Variants in ADGRL2 observed in about 807,000 individuals in gnomAD.
ADGRL2 encodes the protein adhesion G protein-coupled receptor L2, also known as calcium-independent alpha-latrotoxin receptor 2.
In ADGRL2, 44 loss-of-function variants were observed where a neutral mutation model predicts 157.4. That is an observed-to-expected ratio of 0.28 (90% CI 0.22 to 0.36). The LOEUF is 0.36. Ranked by LOEUF, ADGRL2 falls within the 10% of genes least tolerant of loss-of-function variation. The probability of loss-of-function intolerance (pLI) is 1.00; values close to 1 mark genes in which losing one functional copy is unlikely to be tolerated. For missense variants in ADGRL2, 1,510 were observed against 1,768.9 expected, an observed-to-expected ratio of 0.85 and a Z score of 2.63; for synonymous variants, 585 against 624.7, an observed-to-expected ratio of 0.94 and a Z score of 0.95.
intron 2 of ADGRL2, among the ~76,000 whole-genome samples, chr1:81,787,761 G>A (rs1389471817): frequency 1.3e-5 from 2 of 151,928 alleles, no homozygotes; most frequent in African/African-American, 2.4e-5. Context: ...ATAGAGAATA[G>A]ACTAAGTCAA....
At chr1:81,330,363 G>C (rs373292322) in intron 1 of ADGRL2, among the ~76,000 whole-genome samples, 1 of 152,122 alleles carries the variant, frequency 6.6e-6, no homozygotes, top group Non-Finnish European at 1.5e-5. Flanking sequence ...GGTCATATCT[G>C]ATTAAAGAAA....
chr1:81,390,372 A>G (rs1171744759), intron 1 of ADGRL2, among the ~76,000 whole-genome samples: 1 of 152,304 alleles, frequency 6.6e-6, no homozygotes, highest in Non-Finnish European at 1.5e-5. Flanking sequence ...AATAACTGCA[A>G]ATGGTCTGCA....
chr1:81,591,664 C>T (rs141079251), intron 3 of ADGRL2, among the ~76,000 whole-genome samples: 11 of 152,214 alleles, frequency 7.2e-5, no homozygotes, highest in Admixed American at 2.0e-4. Context: ...ACAAAAGTGA[C>T]GGTACATCAC....
At chr1:81,944,876 T>C (rs1649285221) in intron 6 of ADGRL2, among the ~76,000 whole-genome samples, 1 of 152,036 alleles carries the variant, frequency 6.6e-6, no homozygotes, top group Non-Finnish European at 1.5e-5. Flanking sequence ...TTAAATATTG[T>C]CATACGGTCA....
At chr1:81,629,461 C>CAA in intron 3 of ADGRL2, among the ~76,000 whole-genome samples, 1 of 146,656 alleles carries the variant, frequency 6.8e-6, no homozygotes, top group African/African-American at 2.5e-5. Context: ...GCATTTTTTA[C>CAA]AAAAAAAAAT....
chr1:81,924,108 C>A (rs1465251725), intron 3 of ADGRL2, among the ~76,000 whole-genome samples: 3 of 152,274 alleles, frequency 2.0e-5, no homozygotes, highest in Admixed American at 2.0e-4. Context: ...TTTGTATTGG[C>A]TTTCTGTATA....
chr1:81,929,092 C>CATG (rs1296225431), intron 3 of ADGRL2, among the ~76,000 whole-genome samples: 1 of 152,102 alleles, frequency 6.6e-6, no homozygotes, highest in Non-Finnish European at 1.5e-5. Context: ...TAGTTTCTGT[C>CATG]ATGATATACT....
At chr1:81,911,500 G>T (rs3790911) in intron 3 of ADGRL2, among the ~76,000 whole-genome samples, 41,209 of 151,928 alleles carry the variant, frequency 0.27, 6,021 homozygotes, top group Middle Eastern at 0.36. Context: ...TGATACACTG[G>T]ATTATACCTG....
chr1:81,754,280 T>G (rs967586943), intron 1 of ADGRL2, among the ~76,000 whole-genome samples: 2 of 148,236 alleles, frequency 1.3e-5, no homozygotes, highest in Non-Finnish European at 3.0e-5. Flanking sequence ...AATCCAACTT[T>G]CTTGCTTTGT....
chr1:81,911,114 G>A (rs1281421093), intron 3 of ADGRL2, among the ~76,000 whole-genome samples: 5 of 151,946 alleles, frequency 3.3e-5, no homozygotes, highest in African/African-American at 4.8e-5. Flanking sequence ...TAAAAATATT[G>A]TATTCACTCT....
intron 3 of ADGRL2, among the ~76,000 whole-genome samples, chr1:81,583,791 C>T (rs2080966926): frequency 6.6e-6 from 1 of 152,102 alleles, no homozygotes; most frequent in Non-Finnish European, 1.5e-5. Flanking sequence ...TAAGAATTAC[C>T]TCTGTCTATA....
chr1:81,478,739 G>A (rs2078324189), intron 2 of ADGRL2, among the ~76,000 whole-genome samples: 1 of 152,078 alleles, frequency 6.6e-6, no homozygotes, highest in Admixed American at 6.5e-5. Flanking sequence ...CGATTTCTCT[G>A]TGGTTCAGAG....
intron 2 of ADGRL2, among the ~76,000 whole-genome samples, chr1:81,466,489 G>A (rs2078055705): frequency 1.3e-5 from 2 of 152,112 alleles, no homozygotes; most frequent in Non-Finnish European, 2.9e-5. Context: ...CTGCATTGAA[G>A]AGATTTCATC....
chr1:81,800,601 T>G (rs1275708071), upstream of ADGRL2: 1 of 152,020 alleles, frequency 6.6e-6, no homozygotes, highest in East Asian at 1.9e-4. Flanking sequence ...CCCGAGCCGC[T>G]GGTCATCCCC....
intron 2 of ADGRL2, among the ~76,000 whole-genome samples, chr1:81,445,332 G>T (rs1340581261): frequency 1.3e-5 from 2 of 152,160 alleles, no homozygotes; most frequent in Non-Finnish European, 2.9e-5. Flanking sequence ...AAGACTGGCT[G>T]TCTACCTATC....
chr1:81,411,667 C>G (rs988319993), intron 1 of ADGRL2, among the ~76,000 whole-genome samples: 5 of 151,970 alleles, frequency 3.3e-5, no homozygotes, highest in African/African-American at 1.2e-4. Context: ...CTGAGGTGGG[C>G]GGATCACAAG....
intron 1 of ADGRL2, among the ~76,000 whole-genome samples, chr1:81,809,799 G>A (rs2089632717): frequency 6.6e-6 from 1 of 151,966 alleles, no homozygotes; most frequent in African/African-American, 2.4e-5. Context: ...AGTTCAAAAT[G>A]TAAAATATGT....
upstream of ADGRL2, among the ~76,000 whole-genome samples, chr1:81,698,310 A>G (rs1424978290): frequency 2.0e-5 from 3 of 152,316 alleles, no homozygotes; most frequent in South Asian, 4.1e-4. Context: ...TACTTGGCCA[A>G]TGATTACTGC....
intron 11 of ADGRL2, among the ~76,000 whole-genome samples, chr1:81,964,652 C>G (rs540394942): frequency 6.6e-6 from 1 of 151,766 alleles, no homozygotes; most frequent in African/African-American, 2.4e-5. Flanking sequence ...AATTAGTATC[C>G]AAGAATTACT....
Sources: gnomAD v4.1 joint callset for allele counts (sites outside exome capture counted in the v4.1 genomes callset) on GRCh38, gnomAD v4.1.1 for gene constraint, MANE v1.5 for transcripts, NCBI Gene and HGNC (gene_info 2026-07-23, HGNC 2026-07-21) for gene names.